ERI3: variants seen among roughly 807,000 people sequenced by gnomAD.
The protein encoded by ERI3 is ERI1 exoribonuclease 3.
ERI3 carries 18 observed loss-of-function variants against 44.4 expected under a neutral mutation model. The observed-to-expected ratio is 0.41, with a 90% CI of 0.28 to 0.60. The LOEUF (loss-of-function observed/expected upper bound fraction) is 0.60, where lower values mean the gene tolerates loss of function less well. Ranked by LOEUF, ERI3 falls within the 20% of genes least tolerant of loss-of-function variation. ERI3 has a pLI of 0.36. For synonymous variants in ERI3, 183 were observed against 164.8 expected (o/e 1.11, Z -0.84); for missense variants, 294 against 435.5 (o/e 0.68, Z 2.89).
At chr1:44,293,564 TCTGGCACCAGTC>T (rs1331184371) in intron 6 of ERI3, among the ~76,000 whole-genome samples, 3 of 152,104 alleles carry the variant, frequency 2.0e-5, no homozygotes, top group African/African-American at 7.2e-5. Context: ...GGTAAGAAAC[TCTGGCACCAGTC>T]CTAACAGGAA....
chr1:44,289,133 A>C (rs1645453645), intron 6 of ERI3, among the ~76,000 whole-genome samples: 1 of 152,206 alleles, frequency 6.6e-6, no homozygotes, highest in Non-Finnish European at 1.5e-5. Flanking sequence ...GGCCGGAATG[A>C]CATCACTGAT....
intron 8 of ERI3, among the ~76,000 whole-genome samples, chr1:44,234,115 T>C (rs906528412): frequency 1.2e-4 from 18 of 152,184 alleles, no homozygotes; most frequent in African/African-American, 3.9e-4. Context: ...AGAACTGTCA[T>C]TGGTCTCTTC....
intron 8 of ERI3, among the ~76,000 whole-genome samples, chr1:44,226,693 A>G (rs1644047394): frequency 6.6e-6 from 1 of 151,862 alleles, no homozygotes; most frequent in African/African-American, 2.4e-5. Context: ...GAGTTAAGTC[A>G]TATTCCTATG....
chr1:44,279,131 G>A (rs1466266927), intron 7 of ERI3, among the ~76,000 whole-genome samples: 1 of 152,006 alleles, frequency 6.6e-6, no homozygotes, highest in African/African-American at 2.4e-5. Flanking sequence ...ATTTCTCAGT[G>A]TTCTATCCTA....
chr1:44,298,617 A>G (rs1467928223), intron 6 of ERI3, among the ~76,000 whole-genome samples: 2 of 152,224 alleles, frequency 1.3e-5, no homozygotes, highest in Non-Finnish European at 2.9e-5. Context: ...ATGTTATGCA[A>G]AAGAAGTCAG....
chr1:44,278,478 A>G (rs1645223388), intron 7 of ERI3, among the ~76,000 whole-genome samples: 1 of 120,866 alleles, frequency 8.3e-6, no homozygotes, highest in East Asian at 2.0e-4. Flanking sequence ...CTGTCTCAGG[A>G]AAAAAAAAAA....
intron 6 of ERI3, 71 bp downstream of exon 6, chr1:44,308,239 G>A: frequency 9.4e-7 from 1 of 1,064,976 alleles, no homozygotes; most frequent in Non-Finnish European, 1.5e-6. Flanking sequence ...AGACATTTAA[G>A]CCTCCAAAAG....
At chr1:44,337,706 A>G (rs779815706) in intron 3 of ERI3, among the ~76,000 whole-genome samples, 9 of 152,246 alleles carry the variant, frequency 5.9e-5, no homozygotes, top group Non-Finnish European at 8.8e-5. Context: ...GGAACACTAG[A>G]GGTTGTCATA....
intron 7 of ERI3, among the ~76,000 whole-genome samples, chr1:44,253,684 C>A (rs1644726930): frequency 6.6e-6 from 1 of 152,206 alleles, no homozygotes; most frequent in Non-Finnish European, 1.5e-5. Context: ...TGGAAAGTTT[C>A]CCTGCAGTCC....
intron 3 of ERI3, among the ~76,000 whole-genome samples, chr1:44,331,634 C>A (rs1403689498): frequency 6.6e-6 from 1 of 152,240 alleles, no homozygotes; most frequent in Non-Finnish European, 1.5e-5. Flanking sequence ...GATAATCCAA[C>A]TAACTGAACA....
chr1:44,350,049 A>G (rs375689739), intron 2 of ERI3, among the ~76,000 whole-genome samples: 1 of 152,198 alleles, frequency 6.6e-6, no homozygotes, highest in Non-Finnish European at 1.5e-5. Flanking sequence ...AGAGGCCATC[A>G]GTCTTCTACA....
intron 8 of ERI3, among the ~76,000 whole-genome samples, chr1:44,231,169 C>T (rs1644174238): frequency 6.6e-6 from 1 of 152,150 alleles, no homozygotes; most frequent in Non-Finnish European, 1.5e-5. Flanking sequence ...CGACCCATCA[C>T]ATGAGGTCAG....
intron 7 of ERI3, among the ~76,000 whole-genome samples, chr1:44,253,451 C>T (rs1644722326): frequency 6.6e-6 from 1 of 152,226 alleles, no homozygotes; most frequent in African/African-American, 2.4e-5. Flanking sequence ...TTTGAGAATA[C>T]AGTTCCCTCT....
intron 7 of ERI3, among the ~76,000 whole-genome samples, chr1:44,256,463 C>T (rs1488306687): frequency 6.6e-6 from 1 of 152,244 alleles, no homozygotes; most frequent in Non-Finnish European, 1.5e-5. Flanking sequence ...TCAGGTGACA[C>T]AAGCCCATCC....
chr1:44,348,092 T>C (rs546677965), intron 2 of ERI3, among the ~76,000 whole-genome samples: 1 of 152,338 alleles, frequency 6.6e-6, no homozygotes. Flanking sequence ...TGATGCCAAC[T>C]GCTCTGGAAT....
intron 5 of ERI3, among the ~76,000 whole-genome samples, chr1:44,311,137 T>A (rs914719970): frequency 8.6e-5 from 13 of 151,328 alleles, no homozygotes; most frequent in Admixed American, 2.0e-4. Flanking sequence ...CCAAGTTAAG[T>A]GCCCCACATA....
intron 6 of ERI3, among the ~76,000 whole-genome samples, chr1:44,294,169 C>A (rs960947678): frequency 6.6e-6 from 1 of 152,202 alleles, no homozygotes; most frequent in African/African-American, 2.4e-5. Flanking sequence ...TCTGGCGGCA[C>A]AGCTGGAAGT....
At chr1:44,231,764 C>G (rs571000761) in intron 8 of ERI3, among the ~76,000 whole-genome samples, 23 of 152,276 alleles carry the variant, frequency 1.5e-4, no homozygotes, top group African/African-American at 4.6e-4. Flanking sequence ...TTTGGTGATC[C>G]TTTCTCCCTT....
intron 1 of ERI3, chr1:44,353,495 G>GC: frequency 4.1e-6 from 4 of 985,410 alleles, no homozygotes; most frequent in Non-Finnish European, 4.8e-6. Flanking sequence ...TTGCAGAGAT[G>GC]CCCCTGTTAG....
Sources: allele counts gnomAD v4.1 joint callset (sites outside exome capture counted in the v4.1 genomes callset), GRCh38; gene constraint gnomAD v4.1.1; transcripts MANE v1.5; gene names NCBI Gene and HGNC (gene_info 2026-07-23, HGNC 2026-07-21).